Variants in ERC2 observed in about 807,000 individuals in gnomAD.
ERC2 encodes the protein ERC protein 2.
ERC2 carries 42 observed loss-of-function variants against 114.8 expected under a neutral mutation model. The ratio of observed to expected loss-of-function variants is 0.37; its 90% CI spans 0.29 to 0.47. The LOEUF (loss-of-function observed/expected upper bound fraction) is 0.47, where lower values mean the gene tolerates loss of function less well. Ranked by LOEUF, ERC2 falls within the 20% of genes least tolerant of loss-of-function variation. The pLI, the probability that ERC2 is intolerant of heterozygous loss-of-function variation, is 0.99. For missense variants in ERC2, 939 were observed against 1,150.7 expected (o/e 0.82, Z 2.66); for synonymous variants, 454 against 425.5 (o/e 1.07, Z -0.82).
chr3:55,592,917 C>T (rs2057964447), intron 17 of ERC2, among the ~76,000 whole-genome samples: 1 of 152,214 alleles, frequency 6.6e-6, no homozygotes, highest in Non-Finnish European at 1.5e-5. Context: ...ATAGGTATAA[C>T]AGTGCTTTAC....
At chr3:56,437,893 T>C (rs1040893740) in intron 1 of ERC2, among the ~76,000 whole-genome samples, 1 of 152,212 alleles carries the variant, frequency 6.6e-6, no homozygotes. Flanking sequence ...AACAATTTTG[T>C]GATTTACTCA....
chr3:56,060,246 C>T (rs1181002741), intron 7 of ERC2, among the ~76,000 whole-genome samples: 1 of 152,222 alleles, frequency 6.6e-6, no homozygotes, highest in Non-Finnish European at 1.5e-5. Flanking sequence ...ATGAAGATTT[C>T]TATATCCACA....
At chr3:55,971,407 T>C (rs1235104574) in intron 12 of ERC2, among the ~76,000 whole-genome samples, 4 of 152,190 alleles carry the variant, frequency 2.6e-5, no homozygotes, top group Admixed American at 2.0e-4. Flanking sequence ...ATAAAAAAGT[T>C]TATAAAAAGA....
intron 13 of ERC2, among the ~76,000 whole-genome samples, chr3:55,943,214 C>T (rs948014878): frequency 1.2e-4 from 19 of 152,174 alleles, no homozygotes; most frequent in African/African-American, 4.6e-4. Context: ...ATAAATTCTA[C>T]CTTGGAAAAA....
chr3:56,257,915 C>T (rs745712557), intron 3 of ERC2, among the ~76,000 whole-genome samples: 1 of 152,212 alleles, frequency 6.6e-6, no homozygotes, highest in Non-Finnish European at 1.5e-5. Context: ...CACTTCAGTT[C>T]ACAATGGAGA....
At chr3:55,777,875 C>T (rs554083452) in intron 14 of ERC2, among the ~76,000 whole-genome samples, 5 of 152,044 alleles carry the variant, frequency 3.3e-5, no homozygotes, top group Admixed American at 1.3e-4. Context: ...GAAATGTGAC[C>T]GAATTGACTA....
intron 13 of ERC2, among the ~76,000 whole-genome samples, chr3:55,917,801 A>G (rs1301342057): frequency 1.3e-5 from 2 of 152,194 alleles, no homozygotes; most frequent in East Asian, 1.9e-4. Flanking sequence ...TTATATCTCA[A>G]TAAGGCTGCT....
In ERC2 at chr3:55,638,100, G is replaced by A. The variant is rs570352444; in HGVS notation, c.*39+45694C>T. Reference sequence around the variant, plus strand: ...TTGTCCCAAACCAGACAGTGAGCCCGCTGGCCCAGGGCCCCATTCCTCCCA... The same window carrying A: ...TTGTCCCAAACCAGACAGTGAGCCCACTGGCCCAGGGCCCCATTCCTCCCA... On this transcript the variant is annotated intron_variant, in intron 17 of 17. Transcript: ENST00000288221. Among the ~76,000 whole-genome samples the A allele has an allele frequency of 5.9e-4, 90 of 152,170 alleles. 3 individuals carry two copies. In the South Asian group the frequency reaches 0.017, roughly 29 times the overall value.
chr3:56,400,164 C>A (rs1262224975), intron 2 of ERC2, among the ~76,000 whole-genome samples: 1 of 152,050 alleles, frequency 6.6e-6, no homozygotes, highest in Non-Finnish European at 1.5e-5. Flanking sequence ...AGGTCCTTAT[C>A]TTTTATAGAT....
intron 14 of ERC2, among the ~76,000 whole-genome samples, chr3:55,781,874 C>CAA (rs2069086380): frequency 1.1e-5 from 1 of 88,554 alleles, no homozygotes; most frequent in African/African-American, 5.1e-5. Context: ...CTCAGCCTCA[C>CAA]AGAAAAAAAA....
chr3:55,847,461 A>T (rs2061413590), intron 14 of ERC2, among the ~76,000 whole-genome samples: 1 of 152,206 alleles, frequency 6.6e-6, no homozygotes, highest in Non-Finnish European at 1.5e-5. Context: ...TACACTTGAC[A>T]TCCATTCACA....
intron 8 of ERC2, among the ~76,000 whole-genome samples, chr3:56,011,390 C>T (rs1047856486): frequency 2.6e-5 from 4 of 151,998 alleles, no homozygotes; most frequent in African/African-American, 9.7e-5. Context: ...CCCAGAGCTC[C>T]GAGATGCAAG....
intron 15 of ERC2, among the ~76,000 whole-genome samples, chr3:55,724,515 T>C (rs1472812585): frequency 6.6e-6 from 1 of 152,214 alleles, no homozygotes; most frequent in Non-Finnish European, 1.5e-5. Context: ...CATCTCTGCA[T>C]AGTTCCTGAA....
chr3:56,152,261 C>T (rs1049870450), intron 4 of ERC2, among the ~76,000 whole-genome samples: 3 of 152,170 alleles, frequency 2.0e-5, no homozygotes, highest in Non-Finnish European at 1.5e-5. Flanking sequence ...TTATTTATCA[C>T]AGTATTACTG....
intron 14 of ERC2, among the ~76,000 whole-genome samples, chr3:55,753,901 C>A (rs2066883920): frequency 6.6e-6 from 1 of 152,058 alleles, no homozygotes; most frequent in East Asian, 1.9e-4. Flanking sequence ...GGTTCTGCAC[C>A]ACTGCCATTG....
At chr3:56,312,698 C>T (rs2056650130) in intron 2 of ERC2, among the ~76,000 whole-genome samples, 1 of 149,476 alleles carries the variant, frequency 6.7e-6, no homozygotes, top group East Asian at 2.0e-4. Flanking sequence ...TGCTTTTAAG[C>T]AGCATTTCTG....
intron 12 of ERC2, among the ~76,000 whole-genome samples, chr3:55,968,667 C>G (rs1464902404): frequency 6.6e-6 from 1 of 152,126 alleles, no homozygotes; most frequent in Non-Finnish European, 1.5e-5. Context: ...AAAAATGATA[C>G]ACGTTTATTT....
chr3:56,454,903 TACA>T (rs1431495740), intron 1 of ERC2, among the ~76,000 whole-genome samples: 2 of 149,550 alleles, frequency 1.3e-5, no homozygotes, highest in Admixed American at 1.3e-4. Flanking sequence ...TGATACGTGC[TACA>T]ACATGAACTT....
chr3:55,984,952 G>T (rs1289128744), intron 12 of ERC2, among the ~76,000 whole-genome samples: 1 of 152,156 alleles, frequency 6.6e-6, no homozygotes, highest in Admixed American at 6.5e-5. Flanking sequence ...CAATGGATTG[G>T]CCTGGTGGTT....
Sources: allele counts gnomAD v4.1 joint callset (sites outside exome capture counted in the v4.1 genomes callset), GRCh38; gene constraint gnomAD v4.1.1; transcripts MANE v1.5; gene names NCBI Gene and HGNC (gene_info 2026-07-23, HGNC 2026-07-21).